KIF6: variants seen among roughly 807,000 people sequenced by gnomAD.
KIF6 encodes the protein kinesin family member 6, also known as kinesin-like protein KIF6.
A neutral mutation model predicts 112.7 loss-of-function variants in KIF6; 106 were observed. The ratio of observed to expected loss-of-function variants is 0.94; its 90% CI spans 0.80 to 1.11. The LOEUF is 1.11. Ranked by LOEUF, KIF6 falls within the 50% of genes least tolerant of loss-of-function variation. The pLI is 0.00. For synonymous variants in KIF6, 339 were observed against 339.9 expected (o/e 1.00, Z 0.03); for missense variants, 929 against 964.0 (o/e 0.96, Z 0.48).
chr6:39,449,913 C>T (rs1772576331), intron 13 of KIF6, among the ~76,000 whole-genome samples: 1 of 152,210 alleles, frequency 6.6e-6, no homozygotes, highest in African/African-American at 2.4e-5. Flanking sequence ...ATGTCAACAT[C>T]CACAGGCCCT....
intron 3 of KIF6, among the ~76,000 whole-genome samples, chr6:39,701,671 T>C (rs1788886360): frequency 1.3e-5 from 2 of 152,240 alleles, no homozygotes; most frequent in Non-Finnish European, 2.9e-5. Context: ...AAGCCAGAGT[T>C]CCTTCTAGGC....
chr6:39,622,276 C>T (rs1783869172), intron 5 of KIF6, among the ~76,000 whole-genome samples: 1 of 151,320 alleles, frequency 6.6e-6, no homozygotes, highest in Admixed American at 6.6e-5. Flanking sequence ...TGTATGAGCT[C>T]TTTATATATA....
At chr6:39,399,626 C>T (rs1768538095) in intron 15 of KIF6, among the ~76,000 whole-genome samples, 1 of 152,210 alleles carries the variant, frequency 6.6e-6, no homozygotes, top group Non-Finnish European at 1.5e-5. Flanking sequence ...TGGGTCCAGG[C>T]AGTGCTCTGG....
At position 39,385,691 on chromosome 6, in the gene KIF6, A is replaced by G; in HGVS notation, c.1811-19T>C. The G allele has an allele frequency of 6.2e-7, 1 of 1,604,086 alleles. No homozygotes were observed. Among genetic ancestry groups the G allele is most frequent in the Non-Finnish European group, 8.5e-7 (1 of 1,170,912 alleles). ...AGGTGACCTGCCAAAGACACAAAAG[A>G]AAACTACCAGTGGGTTTCCAATGGG... On this transcript the variant is annotated intron_variant, in intron 15 of 22. Transcript: ENST00000287152.
chr6:39,660,295 C>T (rs1278642112), intron 3 of KIF6, among the ~76,000 whole-genome samples: 1 of 152,206 alleles, frequency 6.6e-6, no homozygotes, highest in East Asian at 1.9e-4. Context: ...ATAATGGATG[C>T]ATGTAAAATT....
At chr6:39,381,147 C>T (rs1766895079) in intron 16 of KIF6, among the ~76,000 whole-genome samples, 1 of 152,190 alleles carries the variant, frequency 6.6e-6, no homozygotes, top group Non-Finnish European at 1.5e-5. Flanking sequence ...CCTGGGCACA[C>T]ATCTACTTAC....
At chr6:39,433,084 G>A (rs1248305669) in intron 13 of KIF6, among the ~76,000 whole-genome samples, 2 of 152,234 alleles carry the variant, frequency 1.3e-5, no homozygotes, top group Non-Finnish European at 2.9e-5. Context: ...AGAGCTGACT[G>A]TGAATGGACA....
intron 13 of KIF6, among the ~76,000 whole-genome samples, chr6:39,445,073 G>C (rs1021437636): frequency 6.6e-6 from 1 of 152,168 alleles, no homozygotes; most frequent in Non-Finnish European, 1.5e-5. Context: ...GGACTTTTTG[G>C]TTAGAGAACT....
chr6:39,718,498 CT>C (rs1340854251), intron 2 of KIF6: 4 of 151,982 alleles, frequency 2.6e-5, no homozygotes, highest in Non-Finnish European at 5.9e-5. Flanking sequence ...AATCCCAGCA[CT>C]TTGGGAGGCC....
At chr6:39,509,489 G>T (rs1035469864) in intron 13 of KIF6, among the ~76,000 whole-genome samples, 1 of 152,148 alleles carries the variant, frequency 6.6e-6, no homozygotes, top group African/African-American at 2.4e-5. Context: ...TTGAAAAAAG[G>T]TTAGACAAAT....
chr6:39,521,172 A>C (rs1182992885), intron 13 of KIF6, among the ~76,000 whole-genome samples: 2 of 152,186 alleles, frequency 1.3e-5, no homozygotes, highest in East Asian at 1.9e-4. Context: ...TCACAGGATG[A>C]AGTCTGATTA....
At chr6:39,480,657 T>G (rs941518917) in intron 13 of KIF6, among the ~76,000 whole-genome samples, 1 of 152,326 alleles carries the variant, frequency 6.6e-6, no homozygotes, top group African/African-American at 2.4e-5. Context: ...GAATGTCTGA[T>G]AGAATTCAGC....
At chr6:39,619,666 C>T (rs1783709286) in intron 5 of KIF6, among the ~76,000 whole-genome samples, 1 of 152,104 alleles carries the variant, frequency 6.6e-6, no homozygotes, top group Non-Finnish European at 1.5e-5. Flanking sequence ...CTGCTATGGA[C>T]ATGTGAAGCC....
At position 39,624,816 on chromosome 6, in the gene KIF6, A is replaced by G. The variant is rs191796746; in HGVS notation, c.509+10033T>C. Among the ~76,000 whole-genome samples, 103 of 143,442 alleles carry G rather than the reference A, an allele frequency of 7.2e-4. 2 individuals are homozygous for G. Among genetic ancestry groups the G allele is most frequent in the Admixed American group, 2.4e-3 (31 of 13,114 alleles). 94.1% of individuals were successfully genotyped at this position (143,442 alleles called of 152,430 possible). A position where few individuals can be genotyped will look rare whatever the true frequency, so the allele number is the denominator to read the frequency against. The stretch of plus-strand genomic sequence containing the variant: ...GAAAACACTGAAACTCTTTCTTCCC[A>G]TCCTTCCACGCATCACTTATTAGGC... On this transcript the variant is annotated intron_variant, in intron 5 of 22. Transcript: ENST00000287152.
intron 14 of KIF6, among the ~76,000 whole-genome samples, chr6:39,421,057 C>T (rs1448677426): frequency 6.6e-5 from 10 of 152,224 alleles, no homozygotes. Flanking sequence ...TGCTTTCCCT[C>T]CTCTCCTTTC....
chr6:39,586,877 C>T (rs149445507), intron 7 of KIF6, among the ~76,000 whole-genome samples: 49 of 152,224 alleles, frequency 3.2e-4, no homozygotes, highest in Non-Finnish European at 6.3e-4. Context: ...TCCTAGGGCA[C>T]ATCACTCAAC....
At chr6:39,648,235 C>A (rs1422700204) in intron 3 of KIF6, among the ~76,000 whole-genome samples, 1 of 114,532 alleles carries the variant, frequency 8.7e-6, no homozygotes, top group Non-Finnish European at 1.9e-5. Flanking sequence ...GGGGGGGGTG[C>A]CTCACCATGT....
chr6:39,337,187 CT>C (rs1316918834), intron 22 of KIF6, among the ~76,000 whole-genome samples: 1 of 85,118 alleles, frequency 1.2e-5, no homozygotes, highest in African/African-American at 9.0e-5. Flanking sequence ...TTCTTTCTTT[CT>C]TTCTTTCTTT....
rs1762914478 is a variant in KIF6 at position 39,336,460 on chromosome 6, A to G, written c.*72T>C. The G allele has an allele frequency of 6.9e-7, 1 of 1,446,814 alleles. No individual in the cohort carries two copies. Among genetic ancestry groups the G allele is most frequent in the Non-Finnish European group, 9.7e-7 (1 of 1,027,624 alleles). 89.6% of individuals were successfully genotyped at this position (1,446,814 alleles called of 1,614,324 possible). On this transcript the variant is annotated 3_prime_UTR_variant, in exon 23 of 23. Coordinates refer to ENST00000287152, the MANE Select transcript of KIF6 (RefSeq NM_145027.6). ...ATAGTTCACTTCTGAAGCCAGAGCA[A>G]GTGAGGGGCGCTGCCTTCATCTGTG...
Sources: allele counts gnomAD v4.1 joint callset (sites outside exome capture counted in the v4.1 genomes callset), GRCh38; gene constraint gnomAD v4.1.1; transcripts MANE v1.5; gene names NCBI Gene and HGNC (gene_info 2026-07-23, HGNC 2026-07-21).